Variants in UBXN11 observed in about 807,000 individuals in gnomAD.
The protein encoded by UBXN11 is UBX domain protein 11, also known as UBX domain-containing protein 11.
In UBXN11, 47 loss-of-function variants were observed where a neutral mutation model predicts 62.8. That is an observed-to-expected ratio of 0.75 (90% CI 0.59 to 0.95). The LOEUF (loss-of-function observed/expected upper bound fraction) is 0.95. UBXN11 is among the 40% of genes least tolerant of loss of function. UBXN11 has a pLI of 0.00. For missense variants in UBXN11, 638 were observed against 661.7 expected, an observed-to-expected ratio of 0.96 and a Z score of 0.39; for synonymous variants, 294 against 267.0, an observed-to-expected ratio of 1.10 and a Z score of -0.99.
intron 12 of UBXN11, among the ~76,000 whole-genome samples, chr1:26,283,617 G>C (rs1452926373): frequency 6.6e-6 from 1 of 152,126 alleles, no homozygotes; most frequent in East Asian, 1.9e-4. Flanking sequence ...CTAGACTAGG[G>C]TGGTGGGTGG....
chr1:26,317,937 G>C lies in UBXN11; in HGVS notation c.-149+110C>G, dbSNP rs1450070457. On this transcript the variant is annotated intron_variant, in intron 1 of 14. Coordinates refer to the UBXN11 transcript ENST00000374217. The stretch of plus-strand genomic sequence containing the variant: ...TCCTCTGCCTCCTGGTTCAAAAGCA[G>C]CTAAACCAAAAGAAGCCTCCAGACA... 89 of 1,290,260 alleles carry C rather than the reference G, an allele frequency of 6.9e-5. No individual in the cohort carries two copies. The East Asian group carries it at 2.0e-3, about 29-fold the overall frequency. The allele number at this position is 1,290,260 out of a possible 1,614,324, so 79.9% of individuals were successfully genotyped here.
At chr1:26,302,671 A>C (rs1261977972) in intron 2 of UBXN11, 142 bp downstream of exon 2, 2 of 920,854 alleles carry the variant, frequency 2.2e-6, no homozygotes, top group Non-Finnish European at 3.2e-6. Context: ...GAAGGTATAA[A>C]GAAAAAGACA....
At chr1:26,287,894 C>T (rs1325156125) in intron 8 of UBXN11, among the ~76,000 whole-genome samples, 1 of 126,644 alleles carries the variant, frequency 7.9e-6, no homozygotes, top group Non-Finnish European at 1.6e-5. Flanking sequence ...TCATACAATG[C>T]CTGCCTCAAC....
In UBXN11 at chr1:26,297,170, G is replaced by A. The variant is rs908828645; in HGVS notation, c.356-175C>T. ...CGTGGCGGTGCCTTGATGGGCCCTA[G>A]GAGGCTGCCACTCCCCTCAGAGCCT... On this transcript the variant is annotated intron_variant, in intron 6 of 14. Transcript: ENST00000374222. 2.6e-5 allele frequency among the ~76,000 whole-genome samples: 4 copies of A among 152,096 alleles called. 1 individual carries two copies. The highest frequency in any genetic ancestry group is 2.6e-4 in the Admixed American group (4 of 15,276).
In UBXN11 at chr1:26,297,460, C is replaced by T; in HGVS notation, c.322G>A (p.Glu108Lys). 6.4e-7 allele frequency: 1 copy of T among 1,556,348 alleles called. No individual in the cohort carries two copies. Among genetic ancestry groups the T allele is most frequent in the South Asian group, 1.2e-5 (1 of 84,430 alleles). ...LSKDQKIAAL[E>K]DLVQTLRPHP... ...GGCCGGAGGGTCTGCACCAGGTCCT[C>T]TAGGGCCGCTATCTTCTGATCCTGT... Residue 108 changes from glutamate to lysine, a missense_variant, in exon 6 of 15, where the codon GAG (glutamate) becomes AAG (lysine). By Grantham distance (56) the Glu-to-Lys change is moderately conservative. Transcript: ENST00000374222.
intron 11 of UBXN11, 45 bp downstream of exon 11, chr1:26,284,317 C>T (rs778349240): frequency 3.7e-6 from 6 of 1,613,318 alleles, no homozygotes; most frequent in Non-Finnish European, 5.1e-6. Flanking sequence ...GGAGTTTGTT[C>T]TGCAGTCCCC....
At chr1:26,306,833 G>GGGGGGGGGGGGGGGGGGGGTGTT, upstream of UBXN11, 1 of 32,156 alleles carries the variant, frequency 3.1e-5, no homozygotes. Flanking sequence ...GCGGGGTGGG[G>GGGGGGGGGGGGGGGGGGGGTGTT]GGGGGGGGTG....
At chr1:26,283,987 TCA>T (rs1186355671) in intron 12 of UBXN11, among the ~76,000 whole-genome samples, 153 bp downstream of exon 12, 1 of 152,148 alleles carries the variant, frequency 6.6e-6, no homozygotes, top group Non-Finnish European at 1.5e-5. Context: ...CTCACCAGCC[TCA>T]CAGTTTCCAG....
At chr1:26,301,902 G>T (rs1444541825) in intron 2 of UBXN11, among the ~76,000 whole-genome samples, 180 bp from the exon 3 acceptor site, 1 of 152,172 alleles carries the variant, frequency 6.6e-6, no homozygotes, top group Admixed American at 6.5e-5. Context: ...ACAAGGGACA[G>T]GCTTCGAGGT....
intron 1 of UBXN11, chr1:26,318,041 AC>A (rs1432649722): frequency 6.2e-7 from 1 of 1,613,612 alleles, no homozygotes; most frequent in East Asian, 2.2e-5. Flanking sequence ...TCTTCCTCCT[AC>A]TCACCATCAG....
In UBXN11 at chr1:26,300,994, C is replaced by A; in HGVS notation, c.131G>T (p.Cys44Phe). The A allele has an allele frequency of 5.6e-6, 9 of 1,614,254 alleles. No homozygotes were observed. The highest frequency in any genetic ancestry group is 7.6e-6 in the Non-Finnish European group (9 of 1,180,034). ...GACTGAGATCTTTTCTTCTGAGCCACACCCATCACTCAACATGTCCACCTC... is the reference window on the plus strand; with the variant it reads ...GACTGAGATCTTTTCTTCTGAGCCAAACCCATCACTCAACATGTCCACCTC... Reference protein sequence around the residue: ...EDEVDMLSDGCGSEEKISVPS... With the variant: ...EDEVDMLSDGFGSEEKISVPS... The change falls in exon 4 of 15, where the codon TGT (cysteine) becomes TTT (phenylalanine). Residue 44 changes from cysteine to phenylalanine, a missense_variant. Coordinates refer to ENST00000374222, the MANE Select transcript of UBXN11 (RefSeq NM_001389556.1).
Position 26,294,255 on chromosome 1 carries a change from G to A in UBXN11, c.509C>T (p.Ser170Leu), listed in dbSNP as rs749958289. 5.0e-6 allele frequency: 8 copies of A among 1,614,072 alleles called. No individual in the cohort carries two copies. The highest frequency in any genetic ancestry group is 6.8e-6 in the Non-Finnish European group (8 of 1,180,020). ...DQEDSESKTV[S>L]EHGERDWMTA... is the part of the protein sequence containing the mutation. ...CATCCAGTCCCTCTCGCCATGCTCTGAGACTGTCTTGCTCTCTGAGTCCTC... is the reference window on the plus strand; with the variant it reads ...CATCCAGTCCCTCTCGCCATGCTCTAAGACTGTCTTGCTCTCTGAGTCCTC... The change falls in exon 8 of 15, where the codon TCA becomes TTA. Residue 170 changes from serine (S) to leucine (L), a missense_variant. By Grantham distance (145) the Ser-to-Leu change is moderately radical. Coordinates refer to ENST00000374222, the MANE Select transcript of UBXN11 (RefSeq NM_001389556.1).
intron 8 of UBXN11, among the ~76,000 whole-genome samples, chr1:26,290,779 G>A (rs1200960416): frequency 1.3e-5 from 2 of 151,516 alleles, no homozygotes. Flanking sequence ...AGAGGGGGAT[G>A]AGAGGGTGAG....
At chr1:26,309,036 G>A (rs1221100595), upstream of UBXN11, among the ~76,000 whole-genome samples, 1 of 143,550 alleles carries the variant, frequency 7.0e-6, no homozygotes, top group Non-Finnish European at 1.5e-5. Context: ...AGATTCAAGC[G>A]ATTCTCCAGC....
At chr1:26,300,078 T>C (rs565028455) in intron 4 of UBXN11, among the ~76,000 whole-genome samples, 1 of 152,282 alleles carries the variant, frequency 6.6e-6, no homozygotes, top group East Asian at 1.9e-4. Context: ...CGCAGAACCT[T>C]AGGCCAGGCT....
chr1:26,285,871 G>A lies in UBXN11; in HGVS notation c.726C>T (p.Ile242=). The A allele has an allele frequency of 6.2e-7, 1 of 1,612,528 alleles. No individual in the cohort carries two copies. The highest frequency in any genetic ancestry group is 2.2e-5 in the East Asian group (1 of 44,824). The change falls in exon 9 of 15, where the codon ATC becomes ATT. Residue 242 remains isoleucine (I), a synonymous_variant. Transcript: ENST00000374222. ...GCTGGAAGGGCCCGTCGAACATCAT[G>A]ATGCCATTCCGGTAGAGCTTCAGCG... ...PIPLKLYRNG[I]MMFDGPFQPF...
At chr1:26,315,959 C>CTTTTT (rs1415230325) in intron 1 of UBXN11, among the ~76,000 whole-genome samples, 2 of 43,818 alleles carry the variant, frequency 4.6e-5, no homozygotes, top group African/African-American at 8.7e-5. Context: ...TGTTTCCTGG[C>CTTTTT]CTTTTTTTTT....
chr1:26,306,332 GC>G (rs1418053705), intron 1 of UBXN11: 1 of 152,336 alleles, frequency 6.6e-6, no homozygotes, highest in Non-Finnish European at 1.5e-5. Flanking sequence ...CATCCCCAGA[GC>G]CCAGAGCTCT....
chr1:26,284,990 C>A, intron 10 of UBXN11: 1 of 1,001,852 alleles, frequency 1.0e-6, no homozygotes, highest in Non-Finnish European at 1.2e-6. Flanking sequence ...AACCCACCAC[C>A]TTCTAGAACA....
Sources: gnomAD v4.1 joint callset for allele counts (sites outside exome capture counted in the v4.1 genomes callset) on GRCh38, gnomAD v4.1.1 for gene constraint, MANE v1.5 for transcripts, NCBI Gene and HGNC (gene_info 2026-07-23, HGNC 2026-07-21) for gene names.